The following NUFIP1 variants were observed in gnomAD, a reference collection of about 807,000 sequenced individuals.
NUFIP1 encodes FMR1-interacting protein NUFIP1.
NUFIP1 carries 38 observed loss-of-function variants against 56.2 expected under a neutral mutation model. The observed-to-expected ratio is 0.68, with a 90% CI of 0.52 to 0.89. NUFIP1 has a LOEUF of 0.89. Ranked by LOEUF, NUFIP1 falls within the 40% of genes least tolerant of loss-of-function variation. The pLI, the probability that NUFIP1 is intolerant of heterozygous loss-of-function variation, is 0.00. For missense variants in NUFIP1, 567 were observed against 605.8 expected, an observed-to-expected ratio of 0.94 and a Z score of 0.67; for synonymous variants, 215 against 212.4, an observed-to-expected ratio of 1.01 and a Z score of -0.10.
chr13:44,944,160 T>C (rs1299526070), intron 8 of NUFIP1, among the ~76,000 whole-genome samples: 1 of 152,174 alleles, frequency 6.6e-6, no homozygotes, highest in Non-Finnish European at 1.5e-5. Flanking sequence ...TTAAATTACA[T>C]GTGAAGTAGA....
chr13:44,943,807 A>G (rs2137890082), intron 8 of NUFIP1, 133 bp from the exon 9 acceptor site: 1 of 712,966 alleles, frequency 1.4e-6, no homozygotes, highest in East Asian at 2.7e-5. Context: ...TAAAACTATG[A>G]AAGATTTTTG....
rs751731157 is a variant in NUFIP1 at position 44,989,146 on chromosome 13, A to C, written c.291T>G (p.Ser97=). Residue 97 remains serine (S), a synonymous_variant, in exon 1 of 10, where the codon TCT becomes TCG. Transcript: ENST00000379161. ...TGGGTTGAGGCTGAGAATCAAGGGG[A>C]GACTGGGCGTCGAAGGGGGGTTGCG... ...PGAQPPFDAQ[S]PLDSQPQPSG... is the part of the protein sequence containing the mutation. The C allele has an allele frequency of 1.1e-5, 18 of 1,613,874 alleles. No homozygotes were observed. Among genetic ancestry groups the C allele is most frequent in the Middle Eastern group, 1.6e-4 (1 of 6,082 alleles).
chr13:44,968,165 A>G (rs988502779), intron 5 of NUFIP1, among the ~76,000 whole-genome samples: 2 of 152,226 alleles, frequency 1.3e-5, no homozygotes, highest in African/African-American at 4.8e-5. Context: ...AAAAAAGATG[A>G]TTAATGTACA....
chr13:44,947,834 G>A (rs1870947917), intron 8 of NUFIP1, among the ~76,000 whole-genome samples: 1 of 152,066 alleles, frequency 6.6e-6, no homozygotes, highest in Non-Finnish European at 1.5e-5. Flanking sequence ...CAATGTATGA[G>A]AAACAAGAGC....
In NUFIP1 at chr13:44,939,604, A is replaced by G. The variant is rs958459480; in HGVS notation, c.*1602T>C. 2 of 152,206 alleles carry G rather than the reference A, an allele frequency of 1.3e-5. No homozygotes were observed. Among genetic ancestry groups the G allele is most frequent in the African/African-American group, 4.8e-5 (2 of 41,458 alleles). The allele number at this position is 152,206 out of a possible 1,614,324, so 9.4% of individuals were successfully genotyped here. On this transcript the variant is annotated 3_prime_UTR_variant, in exon 10 of 10. Transcript: ENST00000379161. ...AAGTAGAAACCATACAGGCTATATTATATCTCCTTAGAAATTTTAAATACA... is the reference window on the plus strand; with the variant it reads ...AAGTAGAAACCATACAGGCTATATTGTATCTCCTTAGAAATTTTAAATACA...
At chr13:44,976,421 AGAG>A (rs756487673) in intron 5 of NUFIP1, among the ~76,000 whole-genome samples, 7 of 151,626 alleles carry the variant, frequency 4.6e-5, no homozygotes, top group Non-Finnish European at 7.4e-5. Context: ...GAAGAAGAGA[AGAG>A]GAGGAGGAGG....
Position 44,966,865 on chromosome 13 carries a change from C to T in NUFIP1, c.735-929G>A, listed in dbSNP as rs560250792. 4.8e-4 allele frequency among the ~76,000 whole-genome samples: 73 copies of T among 151,344 alleles called. 1 individual carries two copies. In the South Asian group the frequency reaches 0.015, roughly 31 times the overall value. ...GCGGGCGCCTGTAATCCCAGCTACT[C>T]GGGAGGCTGAGGCAGGAGAATCTCT... On this transcript the variant is annotated intron_variant, in intron 5 of 9. Transcript: ENST00000379161.
At chr13:44,978,006 G>A (rs919807705) in intron 5 of NUFIP1, among the ~76,000 whole-genome samples, 2 of 152,146 alleles carry the variant, frequency 1.3e-5, no homozygotes, top group Admixed American at 6.5e-5. Context: ...CTGAGATTGC[G>A]CCACTGCACT....
Position 44,943,616 on chromosome 13 carries a change from AC to A in NUFIP1, c.1196del (p.Ser399MetfsTer61). On this transcript the variant is annotated frameshift_variant, in exon 9 of 10. Transcript: ENST00000379161. LOFTEE classifies it high-confidence loss of function. The part of the protein sequence containing the change: ...VLAENQVLDS[S>X]APKSPSQDVK... ...CATCTTGACTTGGACTCTTAGGAGC[AC>A]TGCTATCAAGAACCTGGTTTTCTGC... 1.2e-6 allele frequency: 2 copies of A among 1,614,166 alleles called. No homozygotes were observed. The highest frequency in any genetic ancestry group is 1.7e-6 in the Non-Finnish European group (2 of 1,180,024).
intron 7 of NUFIP1, among the ~76,000 whole-genome samples, chr13:44,952,681 A>G (rs150641742): frequency 6.6e-6 from 1 of 152,356 alleles, no homozygotes; most frequent in African/African-American, 2.4e-5. Flanking sequence ...ACCATCTGAC[A>G]TAACCAAAGT....
intron 9 of NUFIP1, among the ~76,000 whole-genome samples, chr13:44,943,100 A>C (rs1040501722): frequency 2.0e-5 from 3 of 152,144 alleles, no homozygotes. Flanking sequence ...AGACATTTGT[A>C]CTAAAAATCT....
intron 7 of NUFIP1, among the ~76,000 whole-genome samples, chr13:44,954,789 C>G (rs571572814): frequency 6.6e-6 from 1 of 152,320 alleles, no homozygotes; most frequent in South Asian, 2.1e-4. Flanking sequence ...TCAAAGAAGA[C>G]AGTTACCAGT....
intron 8 of NUFIP1, 36 bp from the exon 9 acceptor site, chr13:44,943,710 A>C: frequency 6.7e-7 from 1 of 1,497,834 alleles, no homozygotes; most frequent in Non-Finnish European, 9.2e-7. Context: ...AAAATAAACA[A>C]AACAAAACAA....
chr13:44,951,847 A>C (rs1871093734), intron 7 of NUFIP1, among the ~76,000 whole-genome samples: 1 of 152,250 alleles, frequency 6.6e-6, no homozygotes. Flanking sequence ...AAAAAATGCT[A>C]AAACTCATCT....
intron 5 of NUFIP1, 30 bp from the exon 6 acceptor site, chr13:44,965,966 G>T (rs772459545): frequency 1.5e-6 from 2 of 1,329,708 alleles, no homozygotes; most frequent in South Asian, 1.4e-5. Context: ...AATTATAATA[G>T]GGCTTTTAGA....
At chr13:44,974,238 T>C (rs1871895844) in intron 5 of NUFIP1, among the ~76,000 whole-genome samples, 1 of 152,196 alleles carries the variant, frequency 6.6e-6, no homozygotes, top group Non-Finnish European at 1.5e-5. Context: ...TGTGGTTTTC[T>C]TGAACAGGAT....
chr13:44,987,389 A>C (rs9534016), intron 1 of NUFIP1, among the ~76,000 whole-genome samples: 1 of 151,824 alleles, frequency 6.6e-6, no homozygotes, highest in East Asian at 1.9e-4. Flanking sequence ...ATTAAAAAAA[A>C]AAATAAATAA....
chr13:44,948,302 C>T (rs1210923617), intron 8 of NUFIP1, among the ~76,000 whole-genome samples: 6 of 151,918 alleles, frequency 3.9e-5, no homozygotes, highest in Non-Finnish European at 7.4e-5. Flanking sequence ...CTGCCATGCC[C>T]GGCTAACTTT....
intron 6 of NUFIP1, among the ~76,000 whole-genome samples, chr13:44,961,275 G>A (rs547067891): frequency 6.6e-6 from 1 of 152,096 alleles, no homozygotes; most frequent in Non-Finnish European, 1.5e-5. Context: ...AATGGAGGAT[G>A]CAGTAAATAA....
Sources: gnomAD v4.1 joint callset for allele counts (sites outside exome capture counted in the v4.1 genomes callset) on GRCh38, gnomAD v4.1.1 for gene constraint, MANE v1.5 for transcripts, NCBI Gene and HGNC (gene_info 2026-07-23, HGNC 2026-07-21) for gene names.